Variants in TBC1D22B observed in about 807,000 individuals in gnomAD.
The protein encoded by TBC1D22B is TBC1 domain family member 22B, also known as chromosome 6 open reading frame 197.
Under a neutral mutation model 69.1 loss-of-function variants are expected in TBC1D22B, and 32 were observed. The ratio of observed to expected loss-of-function variants is 0.46; its 90% CI spans 0.35 to 0.62. The LOEUF (loss-of-function observed/expected upper bound fraction) is 0.62. TBC1D22B is among the 20% of genes least tolerant of loss of function. The pLI is 0.00. For synonymous variants in TBC1D22B, 206 were observed against 229.8 expected, an observed-to-expected ratio of 0.90 and a Z score of 0.94; for missense variants, 462 against 630.9, an observed-to-expected ratio of 0.73 and a Z score of 2.87.
intron 8 of TBC1D22B, among the ~76,000 whole-genome samples, chr6:37,307,434 C>T (rs149715): frequency 0.84 from 126,579 of 150,966 alleles, 53,355 homozygotes; most frequent in South Asian, 0.91. Context: ...CGGCTCACTG[C>T]AATTTCTGCC....
intron 12 of TBC1D22B, among the ~76,000 whole-genome samples, chr6:37,321,994 T>C (rs1309871708): frequency 6.6e-6 from 1 of 152,198 alleles, no homozygotes; most frequent in Non-Finnish European, 1.5e-5. Flanking sequence ...GTGGAGACAA[T>C]GTAAGAGCGC....
intron 8 of TBC1D22B, among the ~76,000 whole-genome samples, chr6:37,312,340 A>G (rs1767940663): frequency 6.6e-6 from 1 of 152,054 alleles, no homozygotes; most frequent in Non-Finnish European, 1.5e-5. Context: ...GAGAAATACC[A>G]TCTTGTTGGA....
intron 2 of TBC1D22B, among the ~76,000 whole-genome samples, chr6:37,279,095 C>A (rs1010592214): frequency 4.6e-5 from 7 of 152,158 alleles, no homozygotes; most frequent in South Asian, 2.1e-4. Context: ...TATTTGGTGA[C>A]CATTGCTGTC....
At chr6:37,259,050 G>A (rs60165597) in intron 1 of TBC1D22B, among the ~76,000 whole-genome samples, 1,711 of 150,118 alleles carry the variant, frequency 0.011, 23 homozygotes, top group African/African-American at 0.039. Flanking sequence ...TAGAGACAAG[G>A]TCTGACTGTG....
intron 12 of TBC1D22B, among the ~76,000 whole-genome samples, chr6:37,329,179 A>G (rs1208734772): frequency 6.6e-6 from 1 of 152,254 alleles, no homozygotes; most frequent in Non-Finnish European, 1.5e-5. Flanking sequence ...TAAAATGTTT[A>G]TGTGTACATG....
intron 8 of TBC1D22B, among the ~76,000 whole-genome samples, chr6:37,293,937 C>T (rs1767273270): frequency 6.6e-6 from 1 of 152,212 alleles, no homozygotes; most frequent in Admixed American, 6.5e-5. Flanking sequence ...TCTTCACTTT[C>T]ATAAAGGCTA....
chr6:37,322,367 G>A (rs969098246), intron 12 of TBC1D22B, among the ~76,000 whole-genome samples: 3 of 152,116 alleles, frequency 2.0e-5, no homozygotes, highest in Admixed American at 6.5e-5. Flanking sequence ...GTGAAACTCC[G>A]TCAGCCAGGT....
chr6:37,297,105 G>A (rs1421381163), intron 8 of TBC1D22B, among the ~76,000 whole-genome samples: 4 of 152,158 alleles, frequency 2.6e-5, no homozygotes, highest in African/African-American at 9.7e-5. Context: ...GGGATTACAG[G>A]CGTGAGCCAC....
intron 8 of TBC1D22B, among the ~76,000 whole-genome samples, chr6:37,306,333 T>C (rs1767717808): frequency 6.6e-6 from 1 of 152,218 alleles, no homozygotes; most frequent in Non-Finnish European, 1.5e-5. Context: ...AGCCAACATA[T>C]TGAAGATATT....
intron 12 of TBC1D22B, among the ~76,000 whole-genome samples, chr6:37,318,999 T>C (rs1768163260): frequency 6.6e-6 from 1 of 152,196 alleles, no homozygotes; most frequent in Admixed American, 6.5e-5. Context: ...ATAACATAGA[T>C]GTTCTGAAGA....
chr6:37,326,213 C>G (rs937190665), intron 12 of TBC1D22B, among the ~76,000 whole-genome samples: 3 of 151,090 alleles, frequency 2.0e-5, no homozygotes, highest in African/African-American at 7.3e-5. Flanking sequence ...AACCCAGTCT[C>G]CACTAAAAAT....
Position 37,313,760 on chromosome 6 carries a change from C to A in TBC1D22B, c.1090-56C>A, listed in dbSNP as rs1396372263. 6.6e-6 allele frequency: 10 copies of A among 1,515,980 alleles called. No homozygotes were observed. In the African/African-American group the frequency reaches 1.4e-4, roughly 21 times the overall value. 93.9% of individuals were successfully genotyped at this position (1,515,980 alleles called of 1,614,324 possible). Reference sequence around the variant, plus strand: ...CTTCTAAACGTGTTTCAGTGAATGTCAGGTGATAACACAAGTTAGAGTCCA... The same window carrying A: ...CTTCTAAACGTGTTTCAGTGAATGTAAGGTGATAACACAAGTTAGAGTCCA... On this transcript the variant is annotated intron_variant, in intron 9 of 12. Coordinates refer to ENST00000373491, the MANE Select transcript of TBC1D22B (RefSeq NM_017772.4).
rs565942343 is a variant in TBC1D22B at position 37,298,150 on chromosome 6, C to T, written c.982+6793C>T. On this transcript the variant is annotated intron_variant, in intron 8 of 12. Coordinates refer to ENST00000373491, the MANE Select transcript of TBC1D22B (RefSeq NM_017772.4). ...CCATGGCATGTGTATACCTATGTAA[C>T]AAACCTGCGCGTCCTACACATGTAT... Among the ~76,000 whole-genome samples, 7 of 152,192 alleles carry T rather than the reference C, an allele frequency of 4.6e-5. No homozygotes were observed. In the East Asian group the frequency reaches 1.4e-3, roughly 29 times the overall value.
chr6:37,293,156 C>A (rs1393724467), intron 8 of TBC1D22B, among the ~76,000 whole-genome samples: 2 of 151,696 alleles, frequency 1.3e-5, no homozygotes, highest in Non-Finnish European at 1.5e-5. Flanking sequence ...CGGCTCACAG[C>A]AACCTCCGCT....
chr6:37,308,823 G>C (rs1767813862), intron 8 of TBC1D22B, among the ~76,000 whole-genome samples: 1 of 152,038 alleles, frequency 6.6e-6, no homozygotes, highest in Non-Finnish European at 1.5e-5. Flanking sequence ...CAGAATTTCA[G>C]TGCTGGCTGG....
Position 37,291,238 on chromosome 6 carries a change from C to T in TBC1D22B, c.868-5C>T, listed in dbSNP as rs2113752730. 1 of 1,598,190 alleles carries T rather than the reference C, an allele frequency of 6.3e-7. No individual in the cohort carries two copies. ...CACTCGTGTCTTTCTTTCTCATTTT[C>T]CTAGATCTTTGAAAGAATTCTATTT... On this transcript the variant is annotated splice_region_variant and splice_polypyrimidine_tract_variant and intron_variant, in intron 7 of 12. Coordinates refer to ENST00000373491, the MANE Select transcript of TBC1D22B (RefSeq NM_017772.4).
intron 12 of TBC1D22B, among the ~76,000 whole-genome samples, chr6:37,323,853 T>A (rs1472012973): frequency 6.6e-6 from 1 of 152,134 alleles, no homozygotes; most frequent in East Asian, 1.9e-4. Flanking sequence ...AACAAGCTGG[T>A]GTGAGAAAGG....
chr6:37,317,151 G>C lies in TBC1D22B; in HGVS notation c.1334G>C (p.Cys445Ser), dbSNP rs1243432709. 2.8e-5 allele frequency: 44 copies of C among 1,579,342 alleles called. No individual in the cohort carries two copies. The highest frequency in any genetic ancestry group is 3.7e-5 in the Non-Finnish European group (43 of 1,160,310). Residue 445 changes from cysteine (C) to serine (S), a missense_variant, in exon 12 of 13, where the codon TGT (cysteine) becomes TCT (serine). Transcript: ENST00000373491. ...EGFSHFHLYVCAAFLIKWRKE... is the reference protein window; with the variant it reads ...EGFSHFHLYVSAAFLIKWRKE... ...TTCTCCCACTTTCATCTCTACGTGT[G>C]TGCAGCCTTCTTGATCAAGTGGAGG...
intron 12 of TBC1D22B, among the ~76,000 whole-genome samples, chr6:37,330,201 T>G (rs530363928): frequency 1.4e-3 from 208 of 151,560 alleles, no homozygotes; most frequent in African/African-American, 4.7e-3. Flanking sequence ...TCTATAGATG[T>G]TATAAATATT....
Sources: gnomAD v4.1 joint callset for allele counts (sites outside exome capture counted in the v4.1 genomes callset) on GRCh38, gnomAD v4.1.1 for gene constraint, MANE v1.5 for transcripts, NCBI Gene and HGNC (gene_info 2026-07-23, HGNC 2026-07-21) for gene names.